SPMIP7: variants seen among roughly 807,000 people sequenced by gnomAD.
The protein encoded by SPMIP7 is protein SPMIP7.
At chr7:50,145,616 GTGTATATATATATATATA>G in the SPMIP7 span, among the ~76,000 whole-genome samples, 48 of 26,946 alleles carry the variant, frequency 1.8e-3, 6 homozygotes, top group East Asian at 0.055. Flanking sequence ...GTATATGTGT[GTGTATATATATATATATA>G]TATATATATA....
At chr7:50,104,056 T>C in the SPMIP7 span, among the ~76,000 whole-genome samples, 1 of 152,174 alleles carries the variant, frequency 6.6e-6, no homozygotes, top group Admixed American at 6.5e-5. Flanking sequence ...CATACATAGA[T>C]GTATAGTACC....
At chr7:50,145,587 CGT>C in the SPMIP7 span, among the ~76,000 whole-genome samples, 2,160 of 28,308 alleles carry the variant, frequency 0.076, 160 homozygotes, top group African/African-American at 0.16. Flanking sequence ...TATATATGTG[CGT>C]GTGTGTGTGT....
chr7:50,114,562 T>A, the SPMIP7 span, among the ~76,000 whole-genome samples: 3 of 151,680 alleles, frequency 2.0e-5, no homozygotes, highest in Non-Finnish European at 2.9e-5. Flanking sequence ...GGAGATAAAA[T>A]GAAATTTTAA....
the SPMIP7 span, among the ~76,000 whole-genome samples, chr7:50,102,771 C>T: frequency 7.9e-5 from 12 of 151,888 alleles, no homozygotes; most frequent in African/African-American, 2.9e-4. Flanking sequence ...ATATTACAAC[C>T]ACTAATTGTT....
the SPMIP7 span, among the ~76,000 whole-genome samples, chr7:50,145,628 A>ATATATATG: frequency 1.2e-5 from 1 of 81,664 alleles, no homozygotes; most frequent in African/African-American, 5.0e-5. Flanking sequence ...GTATATATAT[A>ATATATATG]TATATATATA....
the SPMIP7 span, chr7:50,134,377 AAT>A: frequency 0.058 from 25,178 of 432,516 alleles, 146 homozygotes; most frequent in East Asian, 0.13. Flanking sequence ...AAGATAAGTA[AAT>A]ATATATACAC....
chr7:50,126,182 G>A, the SPMIP7 span, among the ~76,000 whole-genome samples: 95 of 151,820 alleles, frequency 6.3e-4, no homozygotes, highest in East Asian at 0.018. Context: ...TAGACCTATT[G>A]TTAGACTGAT....
At chr7:50,116,671 A>G in the SPMIP7 span, among the ~76,000 whole-genome samples, 1 of 152,324 alleles carries the variant, frequency 6.6e-6, no homozygotes, top group Admixed American at 6.5e-5. Context: ...GAGCTTCCTA[A>G]GTTGATTTAT....
At chr7:50,117,891 A>AC in the SPMIP7 span, among the ~76,000 whole-genome samples, 10 of 151,912 alleles carry the variant, frequency 6.6e-5, no homozygotes, top group Non-Finnish European at 1.0e-4. Flanking sequence ...AAAGAGGGGG[A>AC]CCCCCCATTA....
At chr7:50,139,514 C>T in the SPMIP7 span, among the ~76,000 whole-genome samples, 1 of 152,172 alleles carries the variant, frequency 6.6e-6, no homozygotes, top group East Asian at 1.9e-4. Context: ...TTTTAATTTA[C>T]ATATCATGTG....
At chr7:50,097,314 G>T in the SPMIP7 span, among the ~76,000 whole-genome samples, 5 of 152,098 alleles carry the variant, frequency 3.3e-5, no homozygotes, top group Non-Finnish European at 7.4e-5. Flanking sequence ...TTTTAGCATC[G>T]GAAAAGGAAA....
chr7:50,121,187 T>C, the SPMIP7 span: 1 of 152,192 alleles, frequency 6.6e-6, no homozygotes, highest in African/African-American at 2.4e-5. Context: ...AACAAGTCCA[T>C]TATGAAGGTG....
the SPMIP7 span, among the ~76,000 whole-genome samples, chr7:50,140,450 T>C: frequency 2.6e-5 from 4 of 152,174 alleles, no homozygotes; most frequent in Non-Finnish European, 5.9e-5. Context: ...TTTTTCCAAA[T>C]ACATTACCTT....
At chr7:50,136,461 G>T in the SPMIP7 span, among the ~76,000 whole-genome samples, 1 of 44,944 alleles carries the variant, frequency 2.2e-5, no homozygotes, top group Non-Finnish European at 5.0e-5. Flanking sequence ...GATCCAGGAG[G>T]CAGAGATGCA....
the SPMIP7 span, among the ~76,000 whole-genome samples, chr7:50,133,479 A>C: frequency 1.3e-5 from 2 of 152,148 alleles, no homozygotes; most frequent in East Asian, 1.9e-4. Context: ...GTATCCTCTG[A>C]AGGTCAAATG....
At chr7:50,118,714 A>G in the SPMIP7 span, among the ~76,000 whole-genome samples, 1 of 152,134 alleles carries the variant, frequency 6.6e-6, no homozygotes, top group African/African-American at 2.4e-5. Context: ...TGTCCCTATT[A>G]CCCTTAGTCT....
the SPMIP7 span, among the ~76,000 whole-genome samples, chr7:50,131,166 T>C: frequency 6.6e-6 from 1 of 152,060 alleles, no homozygotes; most frequent in Admixed American, 6.6e-5. Context: ...AATGGTAGCT[T>C]GGGGGAGAGT....
the SPMIP7 span, chr7:50,104,452 A>T: frequency 1.3e-6 from 1 of 777,810 alleles, no homozygotes; most frequent in African/African-American, 2.5e-5. Flanking sequence ...TAATTAGTTT[A>T]TTTCATTGTA....
chr7:50,158,871 A>G, the SPMIP7 span, among the ~76,000 whole-genome samples: 9 of 152,108 alleles, frequency 5.9e-5, no homozygotes, highest in African/African-American at 2.2e-4. Flanking sequence ...TGCGCAGCAC[A>G]GAGGTGCAAT....
Sources: gnomAD v4.1 joint callset for allele counts (sites outside exome capture counted in the v4.1 genomes callset) on GRCh38, gnomAD v4.1.1 for gene constraint, MANE v1.5 for transcripts, NCBI Gene and HGNC (gene_info 2026-07-23, HGNC 2026-07-21) for gene names.